Variants in ACSBG2 observed in about 807,000 individuals in gnomAD.
ACSBG2 encodes the protein long-chain-fatty-acid--CoA ligase ACSBG2.
ACSBG2 carries 62 observed loss-of-function variants against 74.7 expected under a neutral mutation model. That is an observed-to-expected ratio of 0.83 (90% CI 0.68 to 1.03). The LOEUF is 1.03. ACSBG2 is among the 50% of genes least tolerant of loss of function. The probability of loss-of-function intolerance (pLI) is 0.00; values close to 1 mark genes in which losing one functional copy is unlikely to be tolerated. For synonymous variants in ACSBG2, 309 were observed against 294.1 expected (o/e 1.05, Z -0.52); for missense variants, 730 against 817.6 (o/e 0.89, Z 1.31).
chr19:6,184,363 C>A (rs183177280), intron 10 of ACSBG2, among the ~76,000 whole-genome samples: 2 of 152,190 alleles, frequency 1.3e-5, no homozygotes, highest in Admixed American at 1.3e-4. Context: ...ACTTATCGAT[C>A]TCTTATGGCT....
chr19:6,138,189 C>A (rs866603820), intron 1 of ACSBG2, among the ~76,000 whole-genome samples: 2 of 152,134 alleles, frequency 1.3e-5, no homozygotes, highest in African/African-American at 4.8e-5. Flanking sequence ...CACCCCAAAG[C>A]AATTATCATA....
chr19:6,184,775 T>G (rs1364139671), intron 10 of ACSBG2, among the ~76,000 whole-genome samples: 1 of 141,718 alleles, frequency 7.1e-6, no homozygotes, highest in Non-Finnish European at 1.5e-5. Flanking sequence ...AAAATGAGGG[T>G]TTTGTTCCTA....
At chr19:6,161,484 G>T in intron 6 of ACSBG2, 189 bp downstream of exon 6, 1 of 538,368 alleles carries the variant, frequency 1.9e-6, no homozygotes, top group Non-Finnish European at 3.3e-6. Context: ...GGGGCCTTGT[G>T]AGGAAAGTGG....
intron 1 of ACSBG2, among the ~76,000 whole-genome samples, chr19:6,140,224 CA>C (rs370796775): frequency 6.0e-4 from 70 of 115,720 alleles, no homozygotes; most frequent in African/African-American, 7.8e-4. Flanking sequence ...GACTCCGTCT[CA>C]AAAAAAAAAA....
chr19:6,181,885 C>T (rs888460776), intron 8 of ACSBG2, among the ~76,000 whole-genome samples: 1 of 123,936 alleles, frequency 8.1e-6, no homozygotes, highest in African/African-American at 3.1e-5. Flanking sequence ...GGTTTTATTT[C>T]TGGATCTTCT....
chr19:6,158,939 T>G (rs761739382), intron 5 of ACSBG2, among the ~76,000 whole-genome samples: 3 of 151,478 alleles, frequency 2.0e-5, no homozygotes, highest in Non-Finnish European at 4.4e-5. Context: ...TTTTTCTTTT[T>G]CTTTTCTTTT....
rs1291891263 is a variant in ACSBG2 at position 6,141,511 on chromosome 19, A to G, written c.-31-2A>G. 1.3e-6 allele frequency: 2 copies of G among 1,505,112 alleles called. No homozygotes were observed. The highest frequency in any genetic ancestry group is 1.8e-6 in the Non-Finnish European group (2 of 1,081,606). 93.2% of individuals were successfully genotyped at this position (1,505,112 alleles called of 1,614,324 possible). ...TAAACTCCCTGCTTTTTTGCTTTGC[A>G]GTGCTGTGGAGCATGGTTTCTGCAC... On this transcript the variant is annotated splice_acceptor_variant, in intron 1 of 14. Transcript: ENST00000588485. LOFTEE classifies it low-confidence loss of function (5UTR_SPLICE).
chr19:6,148,797 T>A (rs2089134806), intron 3 of ACSBG2, among the ~76,000 whole-genome samples: 1 of 152,110 alleles, frequency 6.6e-6, no homozygotes, highest in Non-Finnish European at 1.5e-5. Context: ...AAGGTCCCCC[T>A]CCTCCCGTAA....
intron 2 of ACSBG2, among the ~76,000 whole-genome samples, chr19:6,144,106 T>C (rs1343294767): frequency 6.6e-6 from 1 of 152,198 alleles, no homozygotes; most frequent in Non-Finnish European, 1.5e-5. Flanking sequence ...CAAGCGATTC[T>C]CCTGCCTCAG....
chr19:6,171,809 C>T (rs1378449356), intron 7 of ACSBG2, among the ~76,000 whole-genome samples: 1 of 151,824 alleles, frequency 6.6e-6, no homozygotes, highest in Non-Finnish European at 1.5e-5. Context: ...AATATGTTTT[C>T]CAAGTTGCTT....
intron 7 of ACSBG2, among the ~76,000 whole-genome samples, chr19:6,173,863 C>A (rs1381156891): frequency 6.6e-6 from 1 of 152,080 alleles, no homozygotes; most frequent in Non-Finnish European, 1.5e-5. Context: ...GAGCCCAAGC[C>A]ACAGGGCTCT....
Position 6,187,265 on chromosome 19 carries a change from A to C in ACSBG2, c.1541-18A>C, listed in dbSNP as rs200461699. The C allele has an allele frequency of 6.2e-7, 1 of 1,614,000 alleles. No homozygotes were observed. The highest frequency in any genetic ancestry group is 1.7e-5 in the Admixed American group (1 of 60,012). On this transcript the variant is annotated intron_variant, in intron 11 of 14. Transcript: ENST00000588485. ...CGTTGTCATGGCTGGACATGTACCA[A>C]GCCAAGCTCTGTTCCAGAAATCCTT... is the stretch of plus-strand genomic sequence containing the variant.
rs1555698988 is a variant in ACSBG2 at position 6,190,851 on chromosome 19, ACT to A, written c.*35+162_*35+163del. On this transcript the variant is annotated intron_variant, in intron 14 of 14. Transcript: ENST00000588485. ...CACACACACACACACACACACACAC[ACT>A]CTTAGTTGCAGTGGATTCTGAGTAG... is the stretch of plus-strand genomic sequence containing the variant. 1,062 of 518,156 alleles carry A rather than the reference ACT, an allele frequency of 2.0e-3. 4 individuals are homozygous for A. The highest frequency in any genetic ancestry group is 3.0e-3 in the Non-Finnish European group (850 of 287,436). 32.1% of individuals were successfully genotyped at this position (518,156 alleles called of 1,614,324 possible).
chr19:6,177,121 A>G (rs1265337996), intron 7 of ACSBG2, 108 bp from the exon 8 acceptor site: 3 of 1,228,680 alleles, frequency 2.4e-6, no homozygotes, highest in Non-Finnish European at 3.4e-6. Flanking sequence ...TGATCACACC[A>G]CTGCACTCCA....
chr19:6,137,397 C>T (rs1422960011), intron 1 of ACSBG2: 1 of 152,466 alleles, frequency 6.6e-6, no homozygotes, highest in Admixed American at 6.5e-5. Context: ...ACGAAGGCCC[C>T]AAGGAAGGAC....
In ACSBG2 at chr19:6,185,469, G is replaced by A; in HGVS notation, c.1356G>A (p.Met452Ile). ...AGATCTTGACTGGGTGTAAGAATAT[G>A]CTGTTCCAGCAGAACAAGGATGGCA... The part of the protein sequence containing the change: ...CGKILTGCKN[M>I]LFQQNKDGIG... Residue 452 changes from methionine to isoleucine, a missense_variant, in exon 11 of 15, where the codon ATG becomes ATA. Met to Ile is a conservative substitution (Grantham distance 10). Coordinates refer to ENST00000588485, the MANE Select transcript of ACSBG2 (RefSeq NM_030924.5). The A allele has an allele frequency of 6.2e-7, 1 of 1,614,210 alleles. No individual in the cohort carries two copies. Among genetic ancestry groups the A allele is most frequent in the Non-Finnish European group, 8.5e-7 (1 of 1,180,034 alleles).
intron 1 of ACSBG2, among the ~76,000 whole-genome samples, chr19:6,138,571 GAGGGAGGGAAGGA>G (rs2088677144): frequency 7.8e-6 from 1 of 128,164 alleles, no homozygotes; most frequent in African/African-American, 3.1e-5. Context: ...GGAAAGAAGG[GAGGGAGGGAAGGA>G]AAGAGGGAAG....
Position 6,151,787 on chromosome 19 carries a change from C to A in ACSBG2, c.378C>A (p.Ile126=). ...GGTTTATCACTGCTGTTGGTGCCAT[C>A]CTAGCCGGGTAAGGTCATTGGCTTG... ...AEWFITAVGA[I]LAGGLCVGIY... is the part of the protein sequence containing the mutation. The change falls in exon 4 of 15, where the codon ATC becomes ATA. Residue 126 remains isoleucine, a synonymous_variant. Coordinates refer to ENST00000588485, the MANE Select transcript of ACSBG2 (RefSeq NM_030924.5). 1 of 1,593,086 alleles carries A rather than the reference C, an allele frequency of 6.3e-7. No homozygotes were observed. Among genetic ancestry groups the A allele is most frequent in the Non-Finnish European group, 8.6e-7 (1 of 1,169,342 alleles).
chr19:6,151,440 C>T (rs769339045), intron 3 of ACSBG2, among the ~76,000 whole-genome samples: 2 of 151,956 alleles, frequency 1.3e-5, no homozygotes, highest in Non-Finnish European at 1.5e-5. Context: ...CCCAAGTAGC[C>T]GGGACGACAA....
Sources: allele counts gnomAD v4.1 joint callset (sites outside exome capture counted in the v4.1 genomes callset), GRCh38; gene constraint gnomAD v4.1.1; transcripts MANE v1.5; gene names NCBI Gene and HGNC (gene_info 2026-07-23, HGNC 2026-07-21).